Variants in HDAC9 observed in about 807,000 individuals in gnomAD.
The protein encoded by HDAC9 is histone deacetylase 9.
HDAC9 carries 41 observed loss-of-function variants against 139.4 expected under a neutral mutation model. The ratio of observed to expected loss-of-function variants is 0.29; its 90% CI spans 0.23 to 0.38. The LOEUF (loss-of-function observed/expected upper bound fraction) is 0.38, where lower values mean the gene tolerates loss of function less well. Ranked by LOEUF, HDAC9 falls within the 10% of genes least tolerant of loss-of-function variation. HDAC9 has a pLI of 1.00. For synonymous variants in HDAC9, 517 were observed against 476.2 expected, an observed-to-expected ratio of 1.09 and a Z score of -1.12; for missense variants, 1,147 against 1,297.0, an observed-to-expected ratio of 0.88 and a Z score of 1.78.
At chr7:18,274,236 T>A (rs1475828342) in intron 2 of HDAC9, among the ~76,000 whole-genome samples, 1 of 152,232 alleles carries the variant, frequency 6.6e-6, no homozygotes, top group Admixed American at 6.5e-5. Context: ...GGATAATTTA[T>A]TTTTAAAAAT....
Position 18,217,646 on chromosome 7 carries a change from G to C in HDAC9, c.25+55297G>C, listed in dbSNP as rs191661756. Among the ~76,000 whole-genome samples the C allele has an allele frequency of 6.1e-3, 935 of 152,256 alleles. 6 individuals carry two copies. The highest frequency in any genetic ancestry group is 8.6e-3 in the Admixed American group (132 of 15,286). On this transcript the variant is annotated intron_variant, in intron 2 of 12. Transcript: ENST00000417496. ...TCGGAAACATTTAGCTTGACAAATT[G>C]AAACACTGGAATTAATCTTAAAAAT...
In HDAC9 at chr7:18,877,165, C is replaced by G. The variant is rs73320062; in HGVS notation, c.2803+2569C>G. ...AACTGTATATATTATTTCATGGAAG[C>G]CTGAGTTTCTCAGCTATACTTTCTA... On this transcript the variant is annotated intron_variant, in intron 22 of 25. Transcript: ENST00000686413. 7.4e-3 allele frequency among the ~76,000 whole-genome samples: 1,134 copies of G among 152,232 alleles called. 19 individuals carry two copies. The highest frequency in any genetic ancestry group is 0.025 in the African/African-American group (1,058 of 41,518).
chr7:18,937,551 C>G (rs562530739), intron 23 of HDAC9, among the ~76,000 whole-genome samples: 1 of 152,172 alleles, frequency 6.6e-6, no homozygotes, highest in South Asian at 2.1e-4. Context: ...GAAATAAATG[C>G]TATTTTTATT....
chr7:18,983,510 A>G (rs924019371), intron 25 of HDAC9, among the ~76,000 whole-genome samples: 1 of 152,066 alleles, frequency 6.6e-6, no homozygotes, highest in Non-Finnish European at 1.5e-5. Flanking sequence ...TTTATTTTTA[A>G]TTTCTTGAGG....
At chr7:18,703,225 C>T (rs1257469666) in intron 12 of HDAC9, among the ~76,000 whole-genome samples, 1 of 152,006 alleles carries the variant, frequency 6.6e-6, no homozygotes, top group Non-Finnish European at 1.5e-5. Flanking sequence ...TAAAACAATA[C>T]TTTGAATGTT....
chr7:18,762,282 G>C lies in HDAC9; in HGVS notation c.2164+5G>C. On this transcript the variant is annotated splice_donor_5th_base_variant and intron_variant, in intron 15 of 25. Transcript: ENST00000686413. ...TGGACCCCAGGATACTCCTAGGTCT[G>C]TACGGGCCTCCACTGTACTGGGAAC... The C allele has an allele frequency of 6.2e-7, 1 of 1,613,194 alleles. No individual in the cohort carries two copies. The highest frequency in any genetic ancestry group is 8.5e-7 in the Non-Finnish European group (1 of 1,179,456).
intron 22 of HDAC9, among the ~76,000 whole-genome samples, chr7:18,925,017 G>A (rs911073977): frequency 2.0e-5 from 3 of 151,972 alleles, no homozygotes; most frequent in Non-Finnish European, 4.4e-5. Flanking sequence ...TTTTTGAAGG[G>A]GTGATATATT....
chr7:18,748,380 A>G (rs188225239), intron 13 of HDAC9, among the ~76,000 whole-genome samples: 2 of 152,346 alleles, frequency 1.3e-5, no homozygotes, highest in Admixed American at 1.3e-4. Flanking sequence ...AACACTTTAA[A>G]TGCCCCACGA....
intron 1 of HDAC9, among the ~76,000 whole-genome samples, chr7:18,156,393 A>G (rs1265956260): frequency 1.3e-5 from 2 of 152,184 alleles, no homozygotes; most frequent in Non-Finnish European, 2.9e-5. Context: ...TGCCCTTTCT[A>G]GATGGTGGCC....
At chr7:18,092,298 G>T (rs1462209279) in intron 1 of HDAC9, among the ~76,000 whole-genome samples, 8 of 152,132 alleles carry the variant, frequency 5.3e-5, no homozygotes, top group Non-Finnish European at 8.8e-5. Context: ...GCTGAGGTGG[G>T]AGGATCACCT....
At chr7:18,833,890 T>C (rs1275448716) in intron 19 of HDAC9, among the ~76,000 whole-genome samples, 8 of 152,198 alleles carry the variant, frequency 5.3e-5, no homozygotes, top group Non-Finnish European at 1.2e-4. Context: ...GGCTGGAGAT[T>C]GGCATGAAGA....
chr7:18,540,679 C>T (rs1812519954), intron 2 of HDAC9, among the ~76,000 whole-genome samples: 1 of 151,976 alleles, frequency 6.6e-6, no homozygotes, highest in African/African-American at 2.4e-5. Flanking sequence ...TTAAGACAGC[C>T]TTGGATGTAT....
intron 2 of HDAC9, among the ~76,000 whole-genome samples, chr7:18,527,988 C>G (rs1271591814): frequency 1.3e-5 from 2 of 151,764 alleles, no homozygotes; most frequent in South Asian, 4.1e-4. Flanking sequence ...CATTTGGTAC[C>G]TTAAGAATGA....
chr7:18,233,736 A>G (rs1406549679), intron 2 of HDAC9, among the ~76,000 whole-genome samples: 1 of 152,066 alleles, frequency 6.6e-6, no homozygotes, highest in Non-Finnish European at 1.5e-5. Context: ...TTTCCTTGCC[A>G]CTTTTTGCAA....
chr7:18,210,226 A>T (rs1242882692), intron 2 of HDAC9, among the ~76,000 whole-genome samples: 1 of 152,188 alleles, frequency 6.6e-6, no homozygotes, highest in Non-Finnish European at 1.5e-5. Flanking sequence ...TAAATAAGAC[A>T]AGACATAGAT....
intron 1 of HDAC9, among the ~76,000 whole-genome samples, chr7:18,136,554 A>G (rs1378192489): frequency 6.6e-6 from 1 of 152,354 alleles, no homozygotes; most frequent in East Asian, 1.9e-4. Flanking sequence ...CATTTATTAA[A>G]TAGGGAATCC....
chr7:18,493,219 A>G (rs1384711895), upstream of HDAC9, among the ~76,000 whole-genome samples: 2 of 151,936 alleles, frequency 1.3e-5, no homozygotes, highest in Non-Finnish European at 2.9e-5. Flanking sequence ...ACTTAAAAAG[A>G]CAAAAGATGC....
chr7:18,182,487 A>C (rs1319774320), intron 2 of HDAC9, among the ~76,000 whole-genome samples: 1 of 152,262 alleles, frequency 6.6e-6, no homozygotes, highest in Admixed American at 6.5e-5. Flanking sequence ...TTAAAAGTTC[A>C]AGAATGACAG....
chr7:18,160,642 G>T (rs1445879382), intron 1 of HDAC9, among the ~76,000 whole-genome samples: 1 of 152,076 alleles, frequency 6.6e-6, no homozygotes, highest in African/African-American at 2.4e-5. Flanking sequence ...TTGACACAGA[G>T]ATTTGCTTTT....
Sources: gnomAD v4.1 joint callset for allele counts (sites outside exome capture counted in the v4.1 genomes callset) on GRCh38, gnomAD v4.1.1 for gene constraint, MANE v1.5 for transcripts, NCBI Gene and HGNC (gene_info 2026-07-23, HGNC 2026-07-21) for gene names.